Variants in DNM3 observed in about 807,000 individuals in gnomAD.
DNM3 encodes the protein dynamin-3.
A neutral mutation model predicts 101.6 loss-of-function variants in DNM3; 47 were observed. The observed-to-expected ratio is 0.46, with a 90% CI of 0.37 to 0.59. The LOEUF is 0.59. Among genes scored for constraint, DNM3 ranks in the 20% least tolerant of loss-of-function variants. The probability of loss-of-function intolerance (pLI) is 0.00; values close to 1 mark genes in which losing one functional copy is unlikely to be tolerated. For missense variants in DNM3, 849 were observed against 1,085.7 expected (o/e 0.78, Z 3.06); for synonymous variants, 385 against 387.9 (o/e 0.99, Z 0.09).
intron 15 of DNM3, among the ~76,000 whole-genome samples, chr1:172,302,330 C>G (rs2064502254): frequency 6.6e-6 from 1 of 152,218 alleles, no homozygotes; most frequent in Non-Finnish European, 1.5e-5. Flanking sequence ...GGGTGTCCCC[C>G]ATTGCTGAAA....
chr1:172,201,741 G>A (rs1210103195), intron 14 of DNM3, among the ~76,000 whole-genome samples: 1 of 152,210 alleles, frequency 6.6e-6, no homozygotes. Context: ...TTGCCCCTGG[G>A]GGCCTGGTCC....
At chr1:171,905,132 C>G (rs2038711767) in intron 1 of DNM3, among the ~76,000 whole-genome samples, 1 of 152,174 alleles carries the variant, frequency 6.6e-6, no homozygotes, top group Non-Finnish European at 1.5e-5. Flanking sequence ...TTTCTTGAGT[C>G]TTGTGGAGCA....
chr1:172,121,184 T>G (rs1055005022), intron 13 of DNM3, among the ~76,000 whole-genome samples: 1 of 152,180 alleles, frequency 6.6e-6, no homozygotes, highest in Non-Finnish European at 1.5e-5. Context: ...CAAAGGAAGC[T>G]CTGCACATGG....
chr1:172,120,991 A>G (rs554276485), intron 13 of DNM3, among the ~76,000 whole-genome samples: 1 of 152,268 alleles, frequency 6.6e-6, no homozygotes, highest in South Asian at 2.1e-4. Context: ...CCTCTGTTAA[A>G]TAAGCTCTCT....
intron 15 of DNM3, among the ~76,000 whole-genome samples, chr1:172,308,037 A>T (rs1489708798): frequency 2.0e-5 from 3 of 152,136 alleles, no homozygotes; most frequent in Non-Finnish European, 4.4e-5. Context: ...AAAAATCTTA[A>T]ATAAAAAAAA....
chr1:172,280,103 G>C (rs764915275), intron 15 of DNM3, among the ~76,000 whole-genome samples: 2 of 151,982 alleles, frequency 1.3e-5, no homozygotes, highest in Non-Finnish European at 1.5e-5. Flanking sequence ...TGAATATGTT[G>C]AGCTTGTTCC....
chr1:172,214,163 A>G (rs112576457), intron 14 of DNM3, among the ~76,000 whole-genome samples: 1,625 of 152,278 alleles, frequency 0.011, 22 homozygotes, highest in African/African-American at 0.037. Context: ...TTTGTGTTGT[A>G]TATCTAAGGA....
chr1:172,095,861 A>G (rs1054932410), intron 13 of DNM3, among the ~76,000 whole-genome samples: 1 of 152,248 alleles, frequency 6.6e-6, no homozygotes, highest in Admixed American at 6.5e-5. Flanking sequence ...TGTACAAAAA[A>G]ATGTGAGCAC....
At chr1:172,098,974 T>C (rs1415101065) in intron 13 of DNM3, among the ~76,000 whole-genome samples, 4 of 152,352 alleles carry the variant, frequency 2.6e-5, no homozygotes, top group Admixed American at 6.5e-5. Flanking sequence ...ATAGCACGAA[T>C]TCTCTTGGCC....
chr1:172,039,064 T>C (rs1436457180), intron 7 of DNM3, among the ~76,000 whole-genome samples: 1 of 152,150 alleles, frequency 6.6e-6, no homozygotes, highest in Non-Finnish European at 1.5e-5. Flanking sequence ...GAGTTATTCC[T>C]GTGGTGTCTT....
chr1:172,118,992 A>ATT (rs761175849), intron 13 of DNM3, among the ~76,000 whole-genome samples: 4 of 140,026 alleles, frequency 2.9e-5, no homozygotes, highest in Non-Finnish European at 3.1e-5. Context: ...CTAGTTGTTA[A>ATT]TTTTTTTTTT....
At chr1:172,112,782 T>C (rs768188861) in intron 13 of DNM3, among the ~76,000 whole-genome samples, 3 of 152,210 alleles carry the variant, frequency 2.0e-5, no homozygotes, top group Non-Finnish European at 4.4e-5. Flanking sequence ...GCTCTATGCC[T>C]CACAGTGTTC....
intron 11 of DNM3, among the ~76,000 whole-genome samples, chr1:172,071,188 C>T (rs1274158999): frequency 1.4e-5 from 2 of 146,566 alleles, no homozygotes; most frequent in East Asian, 2.0e-4. Context: ...ATGGTAGATT[C>T]GAGGAAGAAT....
At chr1:171,943,274 A>T (rs2041939782) in intron 2 of DNM3, among the ~76,000 whole-genome samples, 1 of 152,174 alleles carries the variant, frequency 6.6e-6, no homozygotes, top group Non-Finnish European at 1.5e-5. Flanking sequence ...TTCTAAGCCC[A>T]CCAACCATTT....
At position 172,305,604 on chromosome 1, in the gene DNM3, C is replaced by A. The variant is rs1005741014; in HGVS notation, c.1770-3124C>A. The stretch of plus-strand genomic sequence containing the variant: ...AAAAAAGAGAATTTTAGAACAATAT[C>A]CGTGATGAACATCGATGCAAAAATC... On this transcript the variant is annotated intron_variant, in intron 15 of 20. Transcript: ENST00000627582. Among the ~76,000 whole-genome samples the A allele has an allele frequency of 2.0e-5, 3 of 152,194 alleles. No homozygotes were observed. The East Asian group carries it at 5.8e-4, about 29-fold the overall frequency.
intron 18 of DNM3, among the ~76,000 whole-genome samples, chr1:172,382,926 C>T (rs1249062356): frequency 2.0e-5 from 3 of 152,162 alleles, no homozygotes; most frequent in Non-Finnish European, 2.9e-5. Context: ...TCTCCTTGGC[C>T]ATTGGCATTT....
At chr1:172,175,493 C>T (rs1339994207) in intron 14 of DNM3, among the ~76,000 whole-genome samples, 1 of 151,556 alleles carries the variant, frequency 6.6e-6, no homozygotes, top group African/African-American at 2.4e-5. Flanking sequence ...TTCTTAAAGA[C>T]CTGACAGTAA....
At chr1:172,227,289 T>TATATATATATATATATAG (rs2061166066) in intron 14 of DNM3, among the ~76,000 whole-genome samples, 1 of 140,396 alleles carries the variant, frequency 7.1e-6, no homozygotes, top group African/African-American at 2.6e-5. Flanking sequence ...TATATATATA[T>TATATATATATATATATAG]ATATATATAT....
At chr1:172,105,933 G>C (rs114222111) in intron 13 of DNM3, among the ~76,000 whole-genome samples, 476 of 152,042 alleles carry the variant, frequency 3.1e-3, no homozygotes, top group Non-Finnish European at 5.1e-3. Flanking sequence ...GAGTTTACTG[G>C]ATTCTCTAGT....
Sources: allele counts gnomAD v4.1 joint callset (sites outside exome capture counted in the v4.1 genomes callset), GRCh38; gene constraint gnomAD v4.1.1; transcripts MANE v1.5; gene names NCBI Gene and HGNC (gene_info 2026-07-23, HGNC 2026-07-21).